The following STK33 variants were observed in gnomAD, a reference collection of about 807,000 sequenced individuals.
STK33 encodes serine/threonine kinase 33.
STK33 carries 52 observed loss-of-function variants against 58.0 expected under a neutral mutation model. The ratio of observed to expected loss-of-function variants is 0.90; its 90% confidence interval spans 0.72 to 1.13. The LOEUF (loss-of-function observed/expected upper bound fraction) is 1.13, where lower values mean the gene tolerates loss of function less well. Ranked by LOEUF, STK33 falls within the 50% of genes most tolerant of loss-of-function variation. STK33 has a pLI of 0.00. For synonymous variants in STK33, 215 were observed against 200.1 expected (o/e 1.07, Z -0.63); for missense variants, 630 against 604.2 (o/e 1.04, Z -0.45).
At chr11:8,442,932 G>A (rs1385617597) in intron 11 of STK33, among the ~76,000 whole-genome samples, 2 of 152,152 alleles carry the variant, frequency 1.3e-5, no homozygotes, top group African/African-American at 4.8e-5. Context: ...TGTGGTGATA[G>A]AAATCATCAG....
At chr11:8,482,145 C>T (rs959024631) in intron 1 of STK33, among the ~76,000 whole-genome samples, 1 of 152,124 alleles carries the variant, frequency 6.6e-6, no homozygotes, top group African/African-American at 2.4e-5. Flanking sequence ...CAGTTATCCA[C>T]AGCACACAAA....
chr11:8,517,240 G>T (rs1251632491), intron 1 of STK33, among the ~76,000 whole-genome samples: 1 of 152,166 alleles, frequency 6.6e-6, no homozygotes, highest in Non-Finnish European at 1.5e-5. Flanking sequence ...TACGCCTCCA[G>T]CAAACTCCAA....
chr11:8,570,438 A>G (rs1957730979), intron 1 of STK33, among the ~76,000 whole-genome samples: 1 of 152,238 alleles, frequency 6.6e-6, no homozygotes, highest in Non-Finnish European at 1.5e-5. Flanking sequence ...AAATAAATAC[A>G]TATGTCTACA....
rs569416587 is a variant in STK33 at position 8,542,468 on chromosome 11, TG to T, written c.-466+51614del. Among the ~76,000 whole-genome samples, 21 of 152,326 alleles carry T rather than the reference TG, an allele frequency of 1.4e-4. No homozygotes were observed. In the East Asian group the frequency reaches 3.9e-3, roughly 28 times the overall value. On this transcript the variant is annotated intron_variant, in intron 1 of 15. Coordinates refer to ENST00000687296, the MANE Select transcript of STK33 (RefSeq NM_001352389.2). ...CTCCCGGGGGATGGCTGGCAATGTC[TG>T]GGAACATCTTTCGTTGTCACAACTA...
chr11:8,409,016 T>C lies in STK33; in HGVS notation c.1344+4479A>G, dbSNP rs142509094. ...CCAGAAGGAAAGTAGGTATTCAGCA[T>C]AAACCATATTGTTTGCACAAACAGT... On this transcript the variant is annotated intron_variant, in intron 15 of 15. Transcript: ENST00000687296. Among the ~76,000 whole-genome samples the C allele has an allele frequency of 4.0e-4, 61 of 152,362 alleles. 1 individual carries two copies. The East Asian group carries it at 0.012, about 29-fold the overall frequency.
At chr11:8,362,030 C>T in the STK33 span, among the ~76,000 whole-genome samples, 1 of 152,198 alleles carries the variant, frequency 6.6e-6, no homozygotes, top group African/African-American at 2.4e-5. Flanking sequence ...TGGAACAAGT[C>T]TGTGCCTCCA....
chr11:8,339,380 G>A, the STK33 span, among the ~76,000 whole-genome samples: 5 of 152,194 alleles, frequency 3.3e-5, no homozygotes, highest in Non-Finnish European at 5.9e-5. Flanking sequence ...CAGGCAAGTC[G>A]TTTACTGACC....
At chr11:8,377,002 C>T in the STK33 span, among the ~76,000 whole-genome samples, 1 of 152,180 alleles carries the variant, frequency 6.6e-6, no homozygotes, top group Non-Finnish European at 1.5e-5. Context: ...GAAGCATAAT[C>T]TGAAGCTGTT....
intron 1 of STK33, among the ~76,000 whole-genome samples, chr11:8,519,864 C>A (rs1953223282): frequency 6.6e-6 from 1 of 151,942 alleles, no homozygotes; most frequent in African/African-American, 2.4e-5. Flanking sequence ...GCCTACCAAC[C>A]AAAAAAAGTC....
chr11:8,440,416 T>C (rs1374376310), intron 12 of STK33, among the ~76,000 whole-genome samples: 2 of 152,092 alleles, frequency 1.3e-5, no homozygotes, highest in Non-Finnish European at 2.9e-5. Flanking sequence ...GGTGTTAAGA[T>C]TTTTCATTTT....
At chr11:8,567,722 T>C (rs892336885) in intron 1 of STK33, among the ~76,000 whole-genome samples, 3 of 152,206 alleles carry the variant, frequency 2.0e-5, no homozygotes, top group African/African-American at 7.2e-5. Context: ...GATTCTATCC[T>C]TTAAACCAAA....
chr11:8,511,486 T>C (rs189942541), intron 1 of STK33, among the ~76,000 whole-genome samples: 13 of 152,186 alleles, frequency 8.5e-5, no homozygotes, highest in Non-Finnish European at 1.6e-4. Flanking sequence ...TCTTGTCTGA[T>C]TGCTGTGGCT....
intron 15 of STK33, among the ~76,000 whole-genome samples, chr11:8,394,007 G>A (rs1014061343): frequency 6.6e-6 from 1 of 152,114 alleles, no homozygotes; most frequent in African/African-American, 2.4e-5. Flanking sequence ...TCTTGAGCAG[G>A]TAACACTTAA....
chr11:8,513,395 A>G (rs546010624), intron 1 of STK33, among the ~76,000 whole-genome samples: 65 of 152,196 alleles, frequency 4.3e-4, no homozygotes, highest in Middle Eastern at 3.4e-3. Flanking sequence ...CTCCCTCTCT[A>G]TATGTTTCAT....
intron 1 of STK33, among the ~76,000 whole-genome samples, chr11:8,539,374 T>C (rs1955320311): frequency 6.6e-6 from 1 of 152,156 alleles, no homozygotes; most frequent in African/African-American, 2.4e-5. Context: ...TCTCTTGCCC[T>C]GGTCTGATGA....
intron 1 of STK33, among the ~76,000 whole-genome samples, chr11:8,490,599 C>T (rs1281561438): frequency 2.6e-5 from 4 of 152,180 alleles, no homozygotes; most frequent in African/African-American, 4.8e-5. Context: ...GCTCTGAGAA[C>T]GGACAGACTA....
the STK33 span, among the ~76,000 whole-genome samples, chr11:8,344,626 T>C: frequency 5.9e-5 from 9 of 152,320 alleles, no homozygotes; most frequent in Admixed American, 1.3e-4. Flanking sequence ...TCCAAGGTTA[T>C]TTTCTCCTGC....
chr11:8,507,516 G>A (rs547120885), intron 1 of STK33, among the ~76,000 whole-genome samples: 40 of 152,260 alleles, frequency 2.6e-4, no homozygotes, highest in Middle Eastern at 3.4e-3. Flanking sequence ...ACTACCCAGC[G>A]AAGAGTCTTT....
the STK33 span, among the ~76,000 whole-genome samples, chr11:8,340,507 G>T: frequency 6.6e-6 from 1 of 152,238 alleles, no homozygotes; most frequent in Non-Finnish European, 1.5e-5. Flanking sequence ...AGACACTAGA[G>T]GTGGACTCTT....
Sources: gnomAD v4.1 joint callset for allele counts (sites outside exome capture counted in the v4.1 genomes callset) on GRCh38, gnomAD v4.1.1 for gene constraint, MANE v1.5 for transcripts, NCBI Gene and HGNC (gene_info 2026-07-23, HGNC 2026-07-21) for gene names.